Variants in AHI1 observed in about 807,000 individuals in gnomAD.
The protein encoded by AHI1 is jouberin.
Under a neutral mutation model 149.3 loss-of-function variants are expected in AHI1, and 123 were observed. The observed-to-expected ratio is 0.82, with a 90% CI of 0.71 to 0.96. The LOEUF (loss-of-function observed/expected upper bound fraction) is 0.96, where lower values mean the gene tolerates loss of function less well. AHI1 is among the 40% of genes least tolerant of loss of function. AHI1 has a pLI of 0.00. For synonymous variants in AHI1, 475 were observed against 459.8 expected, an observed-to-expected ratio of 1.03 and a Z score of -0.42; for missense variants, 1,439 against 1,422.7, an observed-to-expected ratio of 1.01 and a Z score of -0.18.
At chr6:135,389,049 A>T (rs895856420) in intron 23 of AHI1, among the ~76,000 whole-genome samples, 1 of 141,954 alleles carries the variant, frequency 7.0e-6, no homozygotes. Flanking sequence ...AGTGGCTCAT[A>T]CCTGTAATCC....
At chr6:135,366,734 C>T (rs1214890388) in intron 23 of AHI1, among the ~76,000 whole-genome samples, 2 of 152,080 alleles carry the variant, frequency 1.3e-5, no homozygotes, top group Admixed American at 6.5e-5. Context: ...TTCAAAGAAC[C>T]AGCTTTTCAT....
intron 24 of AHI1, among the ~76,000 whole-genome samples, chr6:135,335,603 G>A (rs182095700): frequency 1.2e-3 from 182 of 152,124 alleles, no homozygotes; most frequent in African/African-American, 4.0e-3. Context: ...GTACCAAGGT[G>A]CATGCAGATA....
At chr6:135,492,712 C>T (rs1426535147) in intron 3 of AHI1, 21 of 985,224 alleles carry the variant, frequency 2.1e-5, no homozygotes, top group Non-Finnish European at 2.4e-5. Flanking sequence ...GTAGCACACT[C>T]ACAGTGAATT....
chr6:135,350,152 T>C (rs997579585), intron 24 of AHI1, among the ~76,000 whole-genome samples: 11 of 152,210 alleles, frequency 7.2e-5, no homozygotes, highest in Non-Finnish European at 1.2e-4. Flanking sequence ...CAGGGCTAAA[T>C]TAATTGCTAT....
At chr6:135,300,768 G>T in intron 26 of AHI1, 1 of 1,134,696 alleles carries the variant, frequency 8.8e-7, no homozygotes, top group East Asian at 4.4e-5. Context: ...GTTCTCCAGA[G>T]AGTTCAAACA....
chr6:135,487,504 A>T (rs574048808), intron 5 of AHI1, among the ~76,000 whole-genome samples: 2 of 152,176 alleles, frequency 1.3e-5, no homozygotes, highest in African/African-American at 4.8e-5. Context: ...AGTTCATCCA[A>T]TGGTATTTTT....
chr6:135,405,859 C>CAAAA (rs543403253), intron 21 of AHI1, among the ~76,000 whole-genome samples: 3 of 29,428 alleles, frequency 1.0e-4, no homozygotes, highest in African/African-American at 3.7e-4. Flanking sequence ...GACTCCAACT[C>CAAAA]AAAAAAAAAA....
intron 11 of AHI1, among the ~76,000 whole-genome samples, chr6:135,448,715 A>G (rs946036193): frequency 6.6e-6 from 1 of 152,204 alleles, no homozygotes; most frequent in Non-Finnish European, 1.5e-5. Context: ...CACGTGTACA[A>G]CAATTTCAGA....
chr6:135,464,749 GA>G (rs1415752463), intron 7 of AHI1, among the ~76,000 whole-genome samples: 1 of 152,142 alleles, frequency 6.6e-6, no homozygotes, highest in Non-Finnish European at 1.5e-5. Flanking sequence ...ACAACCACAT[GA>G]ATGAGCTTAG....
chr6:135,490,743 C>G lies in AHI1; in HGVS notation c.15G>C (p.Glu5Asp), dbSNP rs1335313019. 2 of 1,612,516 alleles carry G rather than the reference C, an allele frequency of 1.2e-6. No homozygotes were observed. The highest frequency in any genetic ancestry group is 1.3e-5 in the African/African-American group (1 of 74,776). MPTA[E>D]SEAKVKTKVR... ...CTTTGGTTTTTACTTTTGCTTCACT[C>G]TCAGCTACAAAAGATACAGCCATGT... Residue 5 changes from glutamate (E) to aspartate (D), a missense_variant, in exon 5 of 29, where the codon GAG becomes GAC. Physicochemically the swap from Glu to Asp is conservative, Grantham distance 45. Transcript: ENST00000265602.
At chr6:135,418,454 TATA>T (rs1457276634) in intron 20 of AHI1, among the ~76,000 whole-genome samples, 1 of 152,152 alleles carries the variant, frequency 6.6e-6, no homozygotes, top group Non-Finnish European at 1.5e-5. Flanking sequence ...CTTTGATTTA[TATA>T]ATAAGCTTGG....
Position 135,465,818 on chromosome 6 carries a change from T to C in AHI1, c.745A>G (p.Thr249Ala). 2 of 1,452,836 alleles carry C rather than the reference T, an allele frequency of 1.4e-6. No homozygotes were observed. Among genetic ancestry groups the C allele is most frequent in the Non-Finnish European group, 1.8e-6 (2 of 1,104,924 alleles). The allele number at this position is 1,452,836 out of a possible 1,614,324, so 90.0% of individuals were successfully genotyped here. A position where few individuals can be genotyped will look rare whatever the true frequency, so the allele number is the denominator to read the frequency against. ...KEVPVFSKAE[T>A]STLTISGDTV... ...CATTTATCAATGCAAAAATACCTTG[T>C]TTCAGCTTTAGAGAAGACTGGAACT... The change falls in exon 7 of 29, where the codon ACA (threonine) becomes GCA (alanine). Residue 249 changes from threonine (T) to alanine (A), a missense_variant. Transcript: ENST00000265602.
intron 25 of AHI1, 57 bp from the exon 26 acceptor site, chr6:135,318,673 G>GA (rs1373293392): frequency 1.9e-6 from 2 of 1,026,446 alleles, no homozygotes; most frequent in Non-Finnish European, 2.8e-6. Context: ...CTCCATGGGG[G>GA]AAAAACAACG....
intron 2 of AHI1, among the ~76,000 whole-genome samples, chr6:135,496,749 A>G (rs1277889227): frequency 6.6e-6 from 1 of 152,110 alleles, no homozygotes; most frequent in Non-Finnish European, 1.5e-5. Context: ...GGAAAAAAAG[A>G]CAAACAAAAA....
At chr6:135,392,688 T>C (rs548178959) in intron 23 of AHI1, among the ~76,000 whole-genome samples, 1 of 152,342 alleles carries the variant, frequency 6.6e-6, no homozygotes, top group East Asian at 1.9e-4. Flanking sequence ...TAATTATTTA[T>C]CCACTTTACA....
intron 24 of AHI1, among the ~76,000 whole-genome samples, chr6:135,330,880 G>C (rs1788484881): frequency 6.6e-6 from 1 of 152,174 alleles, no homozygotes; most frequent in South Asian, 2.1e-4. Context: ...TTCTTTGCTT[G>C]TGTTAATTTG....
At chr6:135,380,088 T>A (rs1246841472) in intron 23 of AHI1, among the ~76,000 whole-genome samples, 2 of 150,532 alleles carry the variant, frequency 1.3e-5, no homozygotes, top group African/African-American at 4.9e-5. Context: ...TGCTTAATTC[T>A]CAGCTACTTT....
At chr6:135,367,375 T>G (rs1428448576) in intron 23 of AHI1, among the ~76,000 whole-genome samples, 1 of 152,170 alleles carries the variant, frequency 6.6e-6, no homozygotes, top group African/African-American at 2.4e-5. Context: ...CAGGTGTTCT[T>G]TGAGCTTCTT....
intron 24 of AHI1, among the ~76,000 whole-genome samples, chr6:135,337,528 G>T (rs952282763): frequency 6.6e-6 from 1 of 151,992 alleles, no homozygotes; most frequent in Non-Finnish European, 1.5e-5. Flanking sequence ...GGAGGTCAAG[G>T]AGGGAGGATC....
Sources: gnomAD v4.1 joint callset for allele counts (sites outside exome capture counted in the v4.1 genomes callset) on GRCh38, gnomAD v4.1.1 for gene constraint, MANE v1.5 for transcripts, NCBI Gene and HGNC (gene_info 2026-07-23, HGNC 2026-07-21) for gene names.